RAD51B: variants seen among roughly 807,000 people sequenced by gnomAD.
RAD51B encodes DNA repair protein RAD51 homolog 2.
Under a neutral mutation model 42.2 loss-of-function variants are expected in RAD51B, and 38 were observed. The ratio of observed to expected loss-of-function variants is 0.90; its 90% CI spans 0.70 to 1.18. RAD51B has a LOEUF of 1.18. RAD51B is among the 50% of genes most tolerant of loss of function. The probability of loss-of-function intolerance (pLI) is 0.00; values close to 1 mark genes in which losing one functional copy is unlikely to be tolerated. For missense variants in RAD51B, 373 were observed against 400.7 expected (o/e 0.93, Z 0.59); for synonymous variants, 154 against 145.2 (o/e 1.06, Z -0.43).
intron 8 of RAD51B, among the ~76,000 whole-genome samples, chr14:68,342,930 T>A (rs1443780138): frequency 1.3e-5 from 2 of 151,986 alleles, no homozygotes; most frequent in African/African-American, 4.8e-5. Flanking sequence ...ATCCTGGAGT[T>A]ACCTGCTCCT....
chr14:67,989,163 A>G lies in RAD51B; in HGVS notation c.756+101959A>G, dbSNP rs952299109. Among the ~76,000 whole-genome samples the G allele has an allele frequency of 2.6e-5, 4 of 152,326 alleles. No individual in the cohort carries two copies. In the South Asian group the frequency reaches 8.3e-4, roughly 32 times the overall value. ...ACTTAGTTCTCTGAGCCTTTGAAAA[A>G]TGAAAGCCTTAGACTACATGATATT... On this transcript the variant is annotated intron_variant, in intron 7 of 10. Coordinates refer to ENST00000471583, the MANE Select transcript of RAD51B (RefSeq NM_133510.4).
intron 8 of RAD51B, among the ~76,000 whole-genome samples, chr14:68,353,772 C>T (rs1167110357): frequency 6.6e-6 from 1 of 152,194 alleles, no homozygotes; most frequent in African/African-American, 2.4e-5. Context: ...GTCAATGTTT[C>T]GTTTAGAATT....
chr14:68,366,863 T>A (rs1324636204), intron 8 of RAD51B, among the ~76,000 whole-genome samples: 2 of 152,212 alleles, frequency 1.3e-5, no homozygotes, highest in Admixed American at 1.3e-4. Context: ...CAAAAAGTCA[T>A]TGGTGGAACA....
chr14:68,366,044 A>G (rs1365926965), intron 8 of RAD51B, among the ~76,000 whole-genome samples: 1 of 152,218 alleles, frequency 6.6e-6, no homozygotes, highest in African/African-American at 2.4e-5. Flanking sequence ...AATTAAAAAT[A>G]CTTTTTTTGA....
intron 7 of RAD51B, among the ~76,000 whole-genome samples, chr14:67,976,684 G>A (rs1459559930): frequency 6.6e-6 from 1 of 151,948 alleles, no homozygotes; most frequent in Non-Finnish European, 1.5e-5. Context: ...AACACCAAAA[G>A]CAATGGCAAC....
At chr14:68,010,360 C>T (rs540791091) in intron 7 of RAD51B, among the ~76,000 whole-genome samples, 3 of 151,826 alleles carry the variant, frequency 2.0e-5, no homozygotes, top group South Asian at 2.1e-4. Context: ...ACTGATTATA[C>T]GTGATTTAGT....
intron 9 of RAD51B, among the ~76,000 whole-genome samples, chr14:68,426,012 CTTT>C (rs1223328741): frequency 5.4e-4 from 66 of 122,302 alleles, no homozygotes; most frequent in African/African-American, 2.7e-3. Flanking sequence ...TCCTTCCTTT[CTTT>C]CTTTCTTTCT....
At chr14:68,160,614 A>G (rs2078617951) in intron 7 of RAD51B, among the ~76,000 whole-genome samples, 1 of 152,216 alleles carries the variant, frequency 6.6e-6, no homozygotes, top group Non-Finnish European at 1.5e-5. Flanking sequence ...ATTTTTTAAA[A>G]TATTGCATTA....
intron 8 of RAD51B, among the ~76,000 whole-genome samples, chr14:68,368,989 G>T (rs2083198249): frequency 6.6e-6 from 1 of 152,088 alleles, no homozygotes; most frequent in Admixed American, 6.5e-5. Flanking sequence ...ATTTTTTAGG[G>T]TTTTCCCCCA....
intron 7 of RAD51B, among the ~76,000 whole-genome samples, chr14:67,995,096 A>G (rs2075358298): frequency 6.6e-6 from 1 of 152,106 alleles, no homozygotes; most frequent in Admixed American, 6.6e-5. Flanking sequence ...TTGGAGTATA[A>G]GACACACTCG....
intron 8 of RAD51B, among the ~76,000 whole-genome samples, chr14:68,317,334 C>G (rs1162308852): frequency 3.9e-5 from 6 of 152,140 alleles, no homozygotes; most frequent in African/African-American, 1.2e-4. Flanking sequence ...CTCTCATTTT[C>G]AAGTACTGTG....
intron 7 of RAD51B, among the ~76,000 whole-genome samples, chr14:68,239,211 G>A (rs2080331512): frequency 6.6e-6 from 1 of 152,180 alleles, no homozygotes; most frequent in Non-Finnish European, 1.5e-5. Flanking sequence ...CTGGGGGGAT[G>A]TGGTTAGACA....
intron 7 of RAD51B, among the ~76,000 whole-genome samples, chr14:68,071,516 C>G (rs971383433): frequency 2.0e-5 from 3 of 152,110 alleles, no homozygotes; most frequent in Admixed American, 2.0e-4. Context: ...TTGAGATAAT[C>G]ACGTGGCTTT....
chr14:68,062,814 CAAAAAAAAA>C (rs962527138), intron 7 of RAD51B, among the ~76,000 whole-genome samples: 4 of 39,780 alleles, frequency 1.0e-4, no homozygotes, highest in East Asian at 1.6e-3. Context: ...GACTCTGTGA[CAAAAAAAAA>C]AAAAAAAAGA....
At chr14:68,376,036 CCTG>C (rs1325498489) in intron 8 of RAD51B, among the ~76,000 whole-genome samples, 1 of 152,106 alleles carries the variant, frequency 6.6e-6, no homozygotes, top group Admixed American at 6.5e-5. Flanking sequence ...AAATAAGCCA[CCTG>C]CTATTTATTT....
chr14:67,937,427 G>A (rs952219251), intron 7 of RAD51B, among the ~76,000 whole-genome samples: 4 of 152,228 alleles, frequency 2.6e-5, no homozygotes, highest in South Asian at 4.1e-4. Flanking sequence ...ACCGGTTCTA[G>A]CAGAGATGAC....
intron 7 of RAD51B, among the ~76,000 whole-genome samples, chr14:67,995,385 A>G (rs2075363128): frequency 6.8e-6 from 1 of 147,148 alleles, no homozygotes; most frequent in South Asian, 2.1e-4. Context: ...CTCCATCTCA[A>G]AAACAACAAC....
intron 7 of RAD51B, among the ~76,000 whole-genome samples, chr14:68,078,181 T>TA (rs56720447): frequency 0.03 from 4,594 of 152,128 alleles, 250 homozygotes; most frequent in African/African-American, 0.1. Context: ...CGCTAGGAAA[T>TA]AAAAAAAAGT....
intron 5 of RAD51B, among the ~76,000 whole-genome samples, chr14:67,874,542 G>C (rs2042661616): frequency 6.6e-6 from 1 of 152,046 alleles, no homozygotes; most frequent in Non-Finnish European, 1.5e-5. Context: ...CCTTGAATTA[G>C]ATAATTGTGT....
Sources: gnomAD v4.1 joint callset for allele counts (sites outside exome capture counted in the v4.1 genomes callset) on GRCh38, gnomAD v4.1.1 for gene constraint, MANE v1.5 for transcripts, NCBI Gene and HGNC (gene_info 2026-07-23, HGNC 2026-07-21) for gene names.